Variants in DIS3 observed in about 807,000 individuals in gnomAD.
DIS3 encodes exosome complex exonuclease RRP44.
Under a neutral mutation model 113.0 loss-of-function variants are expected in DIS3, and 103 were observed. That is an observed-to-expected ratio of 0.91 (90% CI 0.78 to 1.07). The LOEUF (loss-of-function observed/expected upper bound fraction) is 1.07. Among genes scored for constraint, DIS3 ranks in the 50% least tolerant of loss-of-function variants. The pLI, the probability that DIS3 is intolerant of heterozygous loss-of-function variation, is 0.00. For missense variants in DIS3, 1,121 were observed against 1,167.1 expected (o/e 0.96, Z 0.58); for synonymous variants, 402 against 394.3 (o/e 1.02, Z -0.23).
chr13:72,775,513 C>T (rs2033992503), intron 5 of DIS3, 138 bp from the exon 6 acceptor site: 1 of 1,077,588 alleles, frequency 9.3e-7, no homozygotes, highest in Non-Finnish European at 1.2e-6. Flanking sequence ...GATTTTCTTT[C>T]TCTATTGTGT....
chr13:72,754,928 A>G lies in DIS3; in HGVS notation c.*4867T>C, dbSNP rs947844881. The G allele has an allele frequency of 4.5e-6, 2 of 445,854 alleles. No homozygotes were observed. The highest frequency in any genetic ancestry group is 4.0e-5 in the African/African-American group (2 of 49,564). 27.6% of individuals were successfully genotyped at this position (445,854 alleles called of 1,614,324 possible). A position where few individuals can be genotyped will look rare whatever the true frequency, so the allele number is the denominator to read the frequency against. On this transcript the variant is annotated 3_prime_UTR_variant, in exon 21 of 21. Transcript: ENST00000377767. Reference sequence around the variant, plus strand: ...AGGGTCTCACTATGTTGCCAGGGCTAGTCCCAAACTCCTGGGCTCGTGCGA... The same window carrying G: ...AGGGTCTCACTATGTTGCCAGGGCTGGTCCCAAACTCCTGGGCTCGTGCGA...
rs1367466278 is a variant in DIS3, at chr13:72,752,473, CTGCTGTACTAA to C, written c.*7311_*7321del. ...ACAAACTCCCCGCATGCCTTACTTC[CTGCTGTACTAA>C]TGAGTAACTCTTCCCTCCATATATA... On this transcript the variant is annotated 3_prime_UTR_variant, in exon 21 of 21. Transcript: ENST00000377767. 2.0e-5 allele frequency: 3 copies of C among 152,300 alleles called. No individual in the cohort carries two copies. The East Asian group carries it at 5.8e-4, about 29-fold the overall frequency. 9.4% of individuals were successfully genotyped at this position (152,300 alleles called of 1,614,324 possible).
At chr13:72,771,655 A>C (rs1191783853) in intron 11 of DIS3, 140 bp downstream of exon 11, 1 of 684,860 alleles carries the variant, frequency 1.5e-6, no homozygotes, top group South Asian at 2.2e-5. Context: ...TGTTATTTGA[A>C]CCACTCGATA....
intron 13 of DIS3, among the ~76,000 whole-genome samples, chr13:72,769,843 G>GA (rs957072565): frequency 1.3e-5 from 2 of 152,154 alleles, no homozygotes; most frequent in Non-Finnish European, 2.9e-5. Flanking sequence ...CAAAGGGCCA[G>GA]AAAAAACAGG....
At position 72,753,609 on chromosome 13, in the gene DIS3, A is replaced by G; in HGVS notation, c.*6186T>C. 2 of 1,387,974 alleles carry G rather than the reference A, an allele frequency of 1.4e-6. No individual in the cohort carries two copies. The highest frequency in any genetic ancestry group is 2.0e-6 in the Non-Finnish European group (2 of 1,008,388). 86.0% of individuals were successfully genotyped at this position (1,387,974 alleles called of 1,614,324 possible). ...TAGGATCATTCAGATGTAGTGAATG[A>G]GAGTTTATAGTGGTTTACTTATTTA... On this transcript the variant is annotated 3_prime_UTR_variant, in exon 21 of 21. Coordinates refer to ENST00000377767, the MANE Select transcript of DIS3 (RefSeq NM_014953.5).
In DIS3 at chr13:72,753,507, A is replaced by G; in HGVS notation, c.*6288T>C. On this transcript the variant is annotated 3_prime_UTR_variant, in exon 21 of 21. Coordinates refer to ENST00000377767, the MANE Select transcript of DIS3 (RefSeq NM_014953.5). The stretch of plus-strand genomic sequence containing the variant: ...AAGGAATTGTAAAATGACTACAATA[A>G]TCAGTACTATGCAGGACTACCTTTT... 1.9e-6 allele frequency: 1 copy of G among 531,772 alleles called. No individual in the cohort carries two copies. The highest frequency in any genetic ancestry group is 3.2e-5 in the East Asian group (1 of 31,168). 32.9% of individuals were successfully genotyped at this position (531,772 alleles called of 1,614,324 possible).
Position 72,778,627 on chromosome 13 carries a change from T to A in DIS3, c.387-247A>T, listed in dbSNP as rs1056554636. Among the ~76,000 whole-genome samples the A allele has an allele frequency of 4.6e-5, 7 of 152,290 alleles. No individual in the cohort carries two copies. In the East Asian group the frequency reaches 1.3e-3, roughly 29 times the overall value. On this transcript the variant is annotated intron_variant, in intron 2 of 20. Transcript: ENST00000377767. The stretch of plus-strand genomic sequence containing the variant: ...GGGGACAAGAAAAAGGCTAATACAA[T>A]TTTATTTCCTAAAAAGAAAAATTCA...
At chr13:72,774,280 A>G (rs2033956425) in intron 6 of DIS3, among the ~76,000 whole-genome samples, 1 of 152,198 alleles carries the variant, frequency 6.6e-6, no homozygotes, top group Non-Finnish European at 1.5e-5. Flanking sequence ...CAAAACAATC[A>G]AAAAGCAAAA....
At chr13:72,777,177 A>T (rs996850695) in intron 4 of DIS3, among the ~76,000 whole-genome samples, 4 of 152,134 alleles carry the variant, frequency 2.6e-5, no homozygotes, top group Non-Finnish European at 5.9e-5. Context: ...TCCTCAACCA[A>T]ACAGTGCTAC....
chr13:72,768,665 A>AATGGAAGCTAG (rs2033810940), intron 14 of DIS3, 120 bp downstream of exon 14: 2 of 731,898 alleles, frequency 2.7e-6, no homozygotes, highest in Non-Finnish European at 4.1e-6. Flanking sequence ...TACATACATA[A>AATGGAAGCTAG]ATGGAAGCTA....
chr13:72,777,568 G>C lies in DIS3; in HGVS notation c.581-75C>G, dbSNP rs918188558. On this transcript the variant is annotated intron_variant, in intron 3 of 20. Coordinates refer to ENST00000377767, the MANE Select transcript of DIS3 (RefSeq NM_014953.5). ...ATGAAAAAAATGGATAGTCTTGTTTGCGACAGTATACACGTCATTCTTTCA... is the reference window on the plus strand; with the variant it reads ...ATGAAAAAAATGGATAGTCTTGTTTCCGACAGTATACACGTCATTCTTTCA... 6.4e-6 allele frequency: 8 copies of C among 1,241,168 alleles called. No homozygotes were observed. In the African/African-American group the frequency reaches 1.2e-4, roughly 19 times the overall value. The allele number at this position is 1,241,168 out of a possible 1,614,324, so 76.9% of individuals were successfully genotyped here.
rs768668240 is a variant in DIS3 at position 72,757,606 on chromosome 13, T to C, written c.*2189A>G. On this transcript the variant is annotated 3_prime_UTR_variant, in exon 21 of 21. Transcript: ENST00000377767. Reference sequence around the variant, plus strand: ...ACACCCAGCTAAGTTTTTGTATTTTTAGTAGAGACGGCGTTTTACCATGTT... The same window carrying C: ...ACACCCAGCTAAGTTTTTGTATTTTCAGTAGAGACGGCGTTTTACCATGTT... 3 of 164,534 alleles carry C rather than the reference T, an allele frequency of 1.8e-5. No homozygotes were observed. Among genetic ancestry groups the C allele is most frequent in the Non-Finnish European group, 4.0e-5 (3 of 75,176 alleles). 10.2% of individuals were successfully genotyped at this position (164,534 alleles called of 1,614,324 possible).
Position 72,755,194 on chromosome 13 carries a change from C to CT in DIS3, c.*4600dup. On this transcript the variant is annotated 3_prime_UTR_variant, in exon 21 of 21. Transcript: ENST00000377767. ...AGGTGTTGGATGAAAACAGCAAGCC[C>CT]TTTTCAATGCAGCAGTCCATAGAAT... The CT allele has an allele frequency of 6.2e-7, 1 of 1,613,508 alleles. No homozygotes were observed.
In DIS3 at chr13:72,755,100, T is replaced by C; in HGVS notation, c.*4695A>G. ...AAAAACAGTCCCGATAATTGCATCC[T>C]CCAGTGGTCCTACTTAAACTGAAAA... On this transcript the variant is annotated 3_prime_UTR_variant, in exon 21 of 21. Coordinates refer to ENST00000377767, the MANE Select transcript of DIS3 (RefSeq NM_014953.5). 6.7e-7 allele frequency: 1 copy of C among 1,502,312 alleles called. No individual in the cohort carries two copies. Among genetic ancestry groups the C allele is most frequent in the East Asian group, 2.3e-5 (1 of 44,292 alleles). 93.1% of individuals were successfully genotyped at this position (1,502,312 alleles called of 1,614,324 possible).
At position 72,753,514 on chromosome 13, in the gene DIS3, C is replaced by T; in HGVS notation, c.*6281G>A. 1 of 588,136 alleles carries T rather than the reference C, an allele frequency of 1.7e-6. No individual in the cohort carries two copies. Among genetic ancestry groups the T allele is most frequent in the Admixed American group, 3.4e-5 (1 of 29,396 alleles). The allele number at this position is 588,136 out of a possible 1,614,324, so 36.4% of individuals were successfully genotyped here. The stretch of plus-strand genomic sequence containing the variant: ...TGTAAAATGACTACAATAATCAGTA[C>T]TATGCAGGACTACCTTTTATATTTG... On this transcript the variant is annotated 3_prime_UTR_variant, in exon 21 of 21. Coordinates refer to ENST00000377767, the MANE Select transcript of DIS3 (RefSeq NM_014953.5).
chr13:72,770,841 T>C (rs1361563346), intron 13 of DIS3, 63 bp downstream of exon 13: 1 of 1,169,428 alleles, frequency 8.6e-7, no homozygotes, highest in African/African-American at 1.6e-5. Flanking sequence ...AAAATTTATT[T>C]AGCTTTTTTC....
intron 9 of DIS3, 92 bp downstream of exon 9, chr13:72,772,601 T>A: frequency 4.5e-6 from 6 of 1,329,870 alleles, no homozygotes; most frequent in Non-Finnish European, 6.1e-6. Flanking sequence ...GGGCCCGTGG[T>A]GTCTACATAT....
Position 72,777,572 on chromosome 13 carries a change from C to T in DIS3, c.581-79G>A, listed in dbSNP as rs563272596. Reference sequence around the variant, plus strand: ...AAAAAATGGATAGTCTTGTTTGCGACAGTATACACGTCATTCTTTCATTCA... The same window carrying T: ...AAAAAATGGATAGTCTTGTTTGCGATAGTATACACGTCATTCTTTCATTCA... On this transcript the variant is annotated intron_variant, in intron 3 of 20. Transcript: ENST00000377767. 15 of 1,175,980 alleles carry T rather than the reference C, an allele frequency of 1.3e-5. No homozygotes were observed. In the South Asian group the frequency reaches 1.5e-4, roughly 12 times the overall value. 72.8% of individuals were successfully genotyped at this position (1,175,980 alleles called of 1,614,324 possible).
intron 13 of DIS3, among the ~76,000 whole-genome samples, chr13:72,769,805 C>T (rs1234304208): frequency 6.6e-6 from 1 of 152,138 alleles, no homozygotes. Context: ...TTTGCAACCA[C>T]TGGTTAGCAG....
Sources: allele counts gnomAD v4.1 joint callset (sites outside exome capture counted in the v4.1 genomes callset), GRCh38; gene constraint gnomAD v4.1.1; transcripts MANE v1.5; gene names NCBI Gene and HGNC (gene_info 2026-07-23, HGNC 2026-07-21).